The following CELF2 variants were observed in gnomAD, a reference collection of about 807,000 sequenced individuals.
CELF2 encodes CUGBP Elav-like family member 2, also known as CUG triplet repeat RNA-binding protein 2.
In CELF2, 8 loss-of-function variants were observed where a neutral mutation model predicts 62.6. The ratio of observed to expected loss-of-function variants is 0.13; its 90% confidence interval spans 0.07 to 0.23. The LOEUF is 0.23. Among genes scored for constraint, CELF2 ranks in the 10% least tolerant of loss-of-function variants. The probability of loss-of-function intolerance (pLI) is 1.00; values close to 1 mark genes in which losing one functional copy is unlikely to be tolerated. For missense variants in CELF2, 333 were observed against 671.0 expected, an observed-to-expected ratio of 0.50 and a Z score of 5.56; for synonymous variants, 258 against 250.0, an observed-to-expected ratio of 1.03 and a Z score of -0.30.
upstream of CELF2, among the ~76,000 whole-genome samples, chr10:10,798,229 G>C (rs1221856528): frequency 2.6e-5 from 4 of 152,148 alleles, no homozygotes; most frequent in African/African-American, 9.7e-5. Context: ...GTAGCTCTAA[G>C]CCCAGTGTCA....
the CELF2 span, among the ~76,000 whole-genome samples, chr10:10,506,194 C>T: frequency 6.6e-6 from 1 of 151,570 alleles, no homozygotes; most frequent in Non-Finnish European, 1.5e-5. Flanking sequence ...TAAAAAAGAT[C>T]ATTGGAGCTT....
chr10:11,286,160 G>C (rs1277073663), intron 8 of CELF2, among the ~76,000 whole-genome samples: 1 of 152,198 alleles, frequency 6.6e-6, no homozygotes, highest in East Asian at 1.9e-4. Flanking sequence ...CTTGGCCAGG[G>C]ACCTCATGTC....
At chr10:10,977,828 GT>G (rs1375049888) in intron 2 of CELF2, among the ~76,000 whole-genome samples, 1 of 152,152 alleles carries the variant, frequency 6.6e-6, no homozygotes, top group Non-Finnish European at 1.5e-5. Flanking sequence ...TGAGCAGTGT[GT>G]TTTAACAATT....
intron 1 of CELF2, among the ~76,000 whole-genome samples, chr10:10,836,958 C>A (rs2058338824): frequency 6.6e-6 from 1 of 152,150 alleles, no homozygotes; most frequent in African/African-American, 2.4e-5. Context: ...TTAACTTGAC[C>A]ATATGAATAC....
At chr10:10,553,150 G>T in the CELF2 span, among the ~76,000 whole-genome samples, 62 of 152,296 alleles carry the variant, frequency 4.1e-4, no homozygotes, top group Non-Finnish European at 7.1e-4. Flanking sequence ...ATGGTGAAAG[G>T]GGAAGCAAAC....
chr10:11,091,837 C>A (rs760523825), intron 1 of CELF2, among the ~76,000 whole-genome samples: 1 of 152,200 alleles, frequency 6.6e-6, no homozygotes, highest in African/African-American at 2.4e-5. Context: ...CAATCAAATA[C>A]AGAATGAACG....
intron 2 of CELF2, among the ~76,000 whole-genome samples, chr10:11,175,982 C>T (rs1022861954): frequency 6.6e-6 from 1 of 152,106 alleles, no homozygotes; most frequent in East Asian, 1.9e-4. Context: ...TAGCCATGTC[C>T]GTTGCACACA....
intron 1 of CELF2, among the ~76,000 whole-genome samples, chr10:10,825,329 C>T (rs905956736): frequency 2.6e-5 from 4 of 152,222 alleles, no homozygotes; most frequent in Non-Finnish European, 5.9e-5. Flanking sequence ...CCTGCCTCAG[C>T]CTCCCAAGTA....
intron 1 of CELF2, among the ~76,000 whole-genome samples, chr10:11,092,698 T>C (rs2048659628): frequency 6.6e-6 from 1 of 152,198 alleles, no homozygotes; most frequent in Non-Finnish European, 1.5e-5. Flanking sequence ...CTTCTCTGGG[T>C]ATAGACAAGG....
At chr10:11,215,883 C>T (rs1270355599) in intron 2 of CELF2, among the ~76,000 whole-genome samples, 1 of 152,126 alleles carries the variant, frequency 6.6e-6, no homozygotes. Context: ...TTTTCTGGGG[C>T]TTACATCACG....
chr10:11,303,598 G>C (rs1035468382), intron 9 of CELF2, among the ~76,000 whole-genome samples: 1 of 152,228 alleles, frequency 6.6e-6, no homozygotes, highest in Non-Finnish European at 1.5e-5. Flanking sequence ...CGCAGAGGCA[G>C]TGTGTGTTAC....
At position 11,270,852 on chromosome 10, in the gene CELF2, C is replaced by G; in HGVS notation, c.777+28C>G. 4.5e-6 allele frequency: 6 copies of G among 1,347,258 alleles called. No individual in the cohort carries two copies. Among genetic ancestry groups the G allele is most frequent in the Non-Finnish European group, 5.8e-6 (6 of 1,036,928 alleles). 83.5% of individuals were successfully genotyped at this position (1,347,258 alleles called of 1,614,324 possible). On this transcript the variant is annotated intron_variant, in intron 7 of 12. Coordinates refer to ENST00000633077, the MANE Select transcript of CELF2 (RefSeq NM_001326342.2). This position sits in a 1 kb window ranked among gnomAD's most constrained non-coding sequence, Gnocchi z 5.8. ...AAGTGCTGGGCAATGCCGGCGTGGT[C>G]TTCACCCGCTGAAACTCTGCAAACT...
chr10:11,205,323 G>A (rs2060190895), intron 2 of CELF2, among the ~76,000 whole-genome samples: 1 of 152,208 alleles, frequency 6.6e-6, no homozygotes, highest in Admixed American at 6.5e-5. Flanking sequence ...TGTTATAAAA[G>A]TGGAGTAAAG....
the CELF2 span, among the ~76,000 whole-genome samples, chr10:10,762,192 C>T: frequency 1.3e-5 from 2 of 151,964 alleles, no homozygotes; most frequent in Admixed American, 6.6e-5. Flanking sequence ...ACCCAACAAA[C>T]AAGGCAGACA....
At position 11,316,116 on chromosome 10, in the gene CELF2, C is replaced by T. The variant is rs772633529; in HGVS notation, c.1096+1858C>T. Reference sequence around the variant, plus strand: ...GGGGCTGTGTTGAATGGCAGAGAAACCATGAGTAGTTCTTGTGTGGGGTCT... The same window carrying T: ...GGGGCTGTGTTGAATGGCAGAGAAATCATGAGTAGTTCTTGTGTGGGGTCT... On this transcript the variant is annotated intron_variant, in intron 10 of 12. Coordinates refer to ENST00000633077, the MANE Select transcript of CELF2 (RefSeq NM_001326342.2). This position sits in a 1 kb window ranked among gnomAD's most constrained non-coding sequence, Gnocchi z 4.4. Among the ~76,000 whole-genome samples, 1 of 152,206 alleles carries T rather than the reference C, an allele frequency of 6.6e-6. No individual in the cohort carries two copies. The highest frequency in any genetic ancestry group is 1.5e-5 in the Non-Finnish European group (1 of 68,046).
chr10:11,107,311 G>T (rs190814708), intron 1 of CELF2, among the ~76,000 whole-genome samples: 1 of 152,240 alleles, frequency 6.6e-6, no homozygotes, highest in East Asian at 1.9e-4. Context: ...TGGCCTGTGG[G>T]CCCCAAATTC....
In CELF2 at chr10:11,288,679, G is replaced by C. The variant is rs544955574; in HGVS notation, c.976+127G>C. The C allele has an allele frequency of 3.0e-5, 30 of 989,550 alleles. No individual in the cohort carries two copies. The South Asian group carries it at 5.0e-4, about 17-fold the overall frequency. 61.3% of individuals were successfully genotyped at this position (989,550 alleles called of 1,614,324 possible). A position where few individuals can be genotyped will look rare whatever the true frequency, so the allele number is the denominator to read the frequency against. ...TGGAGCCGGGATACTATACTGGGCT[G>C]CTTTATGTCATTGGGTTATTTTATT... On this transcript the variant is annotated intron_variant, in intron 9 of 12. Coordinates refer to ENST00000633077, the MANE Select transcript of CELF2 (RefSeq NM_001326342.2).
In CELF2 at chr10:11,017,914, G is replaced by C; in HGVS notation, c.-176G>C. 1 of 981,084 alleles carries C rather than the reference G, an allele frequency of 1.0e-6. No individual in the cohort carries two copies. The highest frequency in any genetic ancestry group is 1.2e-6 in the Non-Finnish European group (1 of 828,076). 60.8% of individuals were successfully genotyped at this position (981,084 alleles called of 1,614,324 possible). A position where few individuals can be genotyped will look rare whatever the true frequency, so the allele number is the denominator to read the frequency against. On this transcript the variant is annotated 5_prime_UTR_variant, in exon 1 of 13. Coordinates refer to ENST00000633077, the MANE Select transcript of CELF2 (RefSeq NM_001326342.2). The surrounding 1 kb of genome is among the most constrained non-coding windows in gnomAD (Gnocchi z 5.5). ...CTGGCGCTCGGCAGCCGGCCGCCCC[G>C]GCGCTGGATTTCGGAGGGGATTGGC... is the stretch of plus-strand genomic sequence containing the variant.
At chr10:10,665,780 A>C in the CELF2 span, among the ~76,000 whole-genome samples, 2,139 of 152,332 alleles carry the variant, frequency 0.014, 99 homozygotes, top group Admixed American at 0.077. Flanking sequence ...AGAAACACCA[A>C]ATTCTGGGTA....
Sources: gnomAD v4.1 joint callset for allele counts (sites outside exome capture counted in the v4.1 genomes callset) on GRCh38, gnomAD v4.1.1 for gene constraint, Gnocchi (gnomAD v3.1) non-coding constraint, MANE v1.5 for transcripts, NCBI Gene and HGNC (gene_info 2026-07-23, HGNC 2026-07-21) for gene names.